Variants in EMID1 observed in about 807,000 individuals in gnomAD.
EMID1 encodes the protein EMI domain-containing protein 1.
Under a neutral mutation model 60.6 loss-of-function variants are expected in EMID1, and 40 were observed. That is an observed-to-expected ratio of 0.66 (90% confidence interval 0.51 to 0.86). The LOEUF (loss-of-function observed/expected upper bound fraction) is 0.86, where lower values mean the gene tolerates loss of function less well. Among genes scored for constraint, EMID1 ranks in the 40% least tolerant of loss-of-function variants. The pLI, the probability that EMID1 is intolerant of heterozygous loss-of-function variation, is 0.00. For missense variants in EMID1, 585 were observed against 597.1 expected (o/e 0.98, Z 0.21); for synonymous variants, 242 against 231.0 (o/e 1.05, Z -0.43).
intron 4 of EMID1, 148 bp from the exon 5 acceptor site, chr22:29,226,342 T>C: frequency 2.5e-6 from 2 of 814,030 alleles, no homozygotes; most frequent in Non-Finnish European, 3.8e-6. Flanking sequence ...ACTGTGATCC[T>C]ATAGCCCTTC....
intron 6 of EMID1, 76 bp downstream of exon 6, chr22:29,231,216 A>T (rs2040728823): frequency 6.6e-7 from 1 of 1,512,530 alleles, no homozygotes; most frequent in Non-Finnish European, 8.9e-7. Flanking sequence ...TCTGGTCCCC[A>T]CCCTGTCGCT....
intron 2 of EMID1, 124 bp downstream of exon 2, chr22:29,215,163 G>T: frequency 7.0e-7 from 1 of 1,424,538 alleles, no homozygotes. Flanking sequence ...GCGGAGCAAA[G>T]GTAGCATCAG....
intron 12 of EMID1, among the ~76,000 whole-genome samples, chr22:29,235,134 G>A (rs1447396764): frequency 1.3e-5 from 2 of 152,106 alleles, no homozygotes; most frequent in Non-Finnish European, 2.9e-5. Context: ...GATCACCTGA[G>A]GTCAGAAGTT....
At chr22:29,224,351 CT>C (rs1253180088) in intron 3 of EMID1, among the ~76,000 whole-genome samples, 1 of 152,238 alleles carries the variant, frequency 6.6e-6, no homozygotes, top group Non-Finnish European at 1.5e-5. Flanking sequence ...CCAGTGCTGG[CT>C]CCACAGCCTC....
At chr22:29,258,333 C>A (rs1286937036) in intron 14 of EMID1, among the ~76,000 whole-genome samples, 1 of 152,146 alleles carries the variant, frequency 6.6e-6, no homozygotes, top group East Asian at 1.9e-4. Context: ...GAGGCCCTGA[C>A]AGAGGTCCAG....
chr22:29,218,540 C>T (rs1715373380), intron 3 of EMID1, among the ~76,000 whole-genome samples: 1 of 152,124 alleles, frequency 6.6e-6, no homozygotes, highest in South Asian at 2.1e-4. Flanking sequence ...GCCCCCAGGC[C>T]TCAGGAGGTG....
At chr22:29,216,917 T>C (rs1399824372) in intron 3 of EMID1, among the ~76,000 whole-genome samples, 1 of 151,994 alleles carries the variant, frequency 6.6e-6, no homozygotes, top group African/African-American at 2.4e-5. Context: ...CAAGGGCCAG[T>C]GTGGGAGGCT....
intron 3 of EMID1, among the ~76,000 whole-genome samples, chr22:29,224,163 G>A (rs534783890): frequency 5.0e-4 from 76 of 152,322 alleles, no homozygotes; most frequent in African/African-American, 1.6e-3. Context: ...GGCAGCCTCC[G>A]CTGGGGGCTG....
At chr22:29,222,011 G>A (rs132386) in intron 3 of EMID1, among the ~76,000 whole-genome samples, 146,264 of 152,310 alleles carry the variant, frequency 0.96, 70,295 homozygotes, top group East Asian at 1. Flanking sequence ...CTGGAGAAAC[G>A]CTGAAAACAA....
intron 3 of EMID1, among the ~76,000 whole-genome samples, chr22:29,220,275 C>T (rs369614814): frequency 2.0e-5 from 3 of 152,342 alleles, no homozygotes; most frequent in East Asian, 1.9e-4. Flanking sequence ...CCCACATCCC[C>T]AGTGCCTGGC....
chr22:29,251,410 C>G (rs945350001), intron 13 of EMID1, among the ~76,000 whole-genome samples: 16 of 146,992 alleles, frequency 1.1e-4, no homozygotes, highest in Admixed American at 2.1e-4. Flanking sequence ...GAGATGGGGT[C>G]TCACTATGTT....
At position 29,214,923 on chromosome 22, in the gene EMID1, C is replaced by T; in HGVS notation, c.102-3C>T. ...GAGTTTCCTCTCTTTGGGTCTGTTT[C>T]AGGAACTGGTGCTCCTATGTGGTGA... On this transcript the variant is annotated splice_region_variant and splice_polypyrimidine_tract_variant and intron_variant, in intron 1 of 14. Coordinates refer to ENST00000334018, the MANE Select transcript of EMID1 (RefSeq NM_133455.4). The T allele has an allele frequency of 6.6e-7, 1 of 1,520,642 alleles. No individual in the cohort carries two copies. The allele number at this position is 1,520,642 out of a possible 1,614,324, so 94.2% of individuals were successfully genotyped here.
chr22:29,248,818 GC>G (rs34416679), intron 13 of EMID1, among the ~76,000 whole-genome samples: 87,888 of 151,762 alleles, frequency 0.58, 25,701 homozygotes, highest in Middle Eastern at 0.65. Flanking sequence ...TCCAACCTGG[GC>G]GACAGAGCAA....
At chr22:29,223,725 A>G (rs1417115269) in intron 3 of EMID1, among the ~76,000 whole-genome samples, 2 of 152,048 alleles carry the variant, frequency 1.3e-5, no homozygotes, top group East Asian at 1.9e-4. Context: ...TTATCTGAGC[A>G]TGGGTGACAG....
intron 14 of EMID1, among the ~76,000 whole-genome samples, chr22:29,254,998 G>T (rs17526034): frequency 6.6e-6 from 1 of 151,362 alleles, no homozygotes; most frequent in Admixed American, 6.6e-5. Flanking sequence ...AACCTGTTCT[G>T]TTGGTCCCTT....
chr22:29,238,698 C>T (rs1026591551), intron 12 of EMID1, among the ~76,000 whole-genome samples: 2 of 137,908 alleles, frequency 1.5e-5, no homozygotes, highest in Non-Finnish European at 3.0e-5. Context: ...GGATTACAGG[C>T]GTGAGCCACC....
chr22:29,242,674 A>G (rs933448017), intron 12 of EMID1, among the ~76,000 whole-genome samples: 1 of 152,222 alleles, frequency 6.6e-6, no homozygotes, highest in African/African-American at 2.4e-5. Context: ...GAACAGTTAA[A>G]TTATTGATGG....
intron 4 of EMID1, 76 bp downstream of exon 4, chr22:29,225,292 C>A: frequency 6.7e-7 from 1 of 1,502,606 alleles, no homozygotes; most frequent in Non-Finnish European, 9.2e-7. Context: ...AGTTTGGTAA[C>A]TGTCCTAAAA....
intron 13 of EMID1, among the ~76,000 whole-genome samples, chr22:29,250,113 G>A (rs370059221): frequency 4.6e-5 from 7 of 152,294 alleles, no homozygotes; most frequent in East Asian, 1.9e-4. Flanking sequence ...TCAATTAGCT[G>A]GGTGTGGTGG....
Sources: gnomAD v4.1 joint callset for allele counts (sites outside exome capture counted in the v4.1 genomes callset) on GRCh38, gnomAD v4.1.1 for gene constraint, MANE v1.5 for transcripts, NCBI Gene and HGNC (gene_info 2026-07-23, HGNC 2026-07-21) for gene names.